Variants in GABBR2 observed in about 807,000 individuals in gnomAD.
GABBR2 encodes the protein G-protein coupled receptor 51.
A neutral mutation model predicts 105.6 loss-of-function variants in GABBR2; 23 were observed. The observed-to-expected ratio is 0.22, with a 90% CI of 0.16 to 0.31. The LOEUF (loss-of-function observed/expected upper bound fraction) is 0.31, where lower values mean the gene tolerates loss of function less well. Among genes scored for constraint, GABBR2 ranks in the 10% least tolerant of loss-of-function variants. GABBR2 has a pLI of 1.00. For synonymous variants in GABBR2, 478 were observed against 499.7 expected, an observed-to-expected ratio of 0.96 and a Z score of 0.58; for missense variants, 734 against 1,245.5, an observed-to-expected ratio of 0.59 and a Z score of 6.18.
At chr9:98,601,634 A>T (rs2131805238) in intron 1 of GABBR2, among the ~76,000 whole-genome samples, 1 of 152,366 alleles carries the variant, frequency 6.6e-6, no homozygotes, top group Non-Finnish European at 1.5e-5. Context: ...AGGGAAGGGA[A>T]GGCACCATCT....
chr9:98,597,938 A>G (rs1209181447), intron 1 of GABBR2, among the ~76,000 whole-genome samples: 1 of 152,028 alleles, frequency 6.6e-6, no homozygotes, highest in Non-Finnish European at 1.5e-5. Context: ...CTACTGCCTC[A>G]GCCTTCCAAG....
chr9:98,568,379 G>A (rs1435997021), intron 2 of GABBR2, among the ~76,000 whole-genome samples: 2 of 152,196 alleles, frequency 1.3e-5, no homozygotes, highest in African/African-American at 4.8e-5. Flanking sequence ...TGGACACATG[G>A]CGTAACATGC....
intron 1 of GABBR2, among the ~76,000 whole-genome samples, chr9:98,600,194 TGCAGGAAATATACA>T (rs1829305326): frequency 6.6e-6 from 1 of 152,166 alleles, no homozygotes; most frequent in African/African-American, 2.4e-5. Context: ...CAGGCACATC[TGCAGGAAATATACA>T]ACCAGAGGCC....
At position 98,536,985 on chromosome 9, in the gene GABBR2, G is replaced by T. The variant is rs987806911; in HGVS notation, c.630+4888C>A. Among the ~76,000 whole-genome samples the T allele has an allele frequency of 5.3e-5, 8 of 152,176 alleles. No individual in the cohort carries two copies. In the East Asian group the frequency reaches 1.5e-3, roughly 29 times the overall value. Reference sequence around the variant, plus strand: ...AGAATGGGGCTACTTTGAGCTCAAGGTCTCCCACCACCAGAGGGCGTCACT... The same window carrying T: ...AGAATGGGGCTACTTTGAGCTCAAGTTCTCCCACCACCAGAGGGCGTCACT... On this transcript the variant is annotated intron_variant, in intron 3 of 18. Coordinates refer to ENST00000259455, the MANE Select transcript of GABBR2 (RefSeq NM_005458.8).
At chr9:98,526,018 T>C (rs1214371022) in intron 3 of GABBR2, among the ~76,000 whole-genome samples, 2 of 152,210 alleles carry the variant, frequency 1.3e-5, no homozygotes, top group African/African-American at 4.8e-5. Context: ...GAGTGGCTGC[T>C]AATGGATGTG....
intron 1 of GABBR2, among the ~76,000 whole-genome samples, chr9:98,654,622 TGAA>T (rs1270100722): frequency 1.3e-5 from 2 of 152,064 alleles, no homozygotes; most frequent in African/African-American, 4.8e-5. Flanking sequence ...CAGACATCCT[TGAA>T]GAAGTGACAT....
At chr9:98,653,622 C>A (rs964827559) in intron 1 of GABBR2, among the ~76,000 whole-genome samples, 14 of 152,142 alleles carry the variant, frequency 9.2e-5, no homozygotes, top group Non-Finnish European at 2.1e-4. Flanking sequence ...GATATCAATT[C>A]AAAATCCAGC....
chr9:98,599,081 T>C (rs1829281896), intron 1 of GABBR2, among the ~76,000 whole-genome samples: 1 of 152,132 alleles, frequency 6.6e-6, no homozygotes. Context: ...CCCCAGCTGC[T>C]GTATCTGTGG....
intron 1 of GABBR2, among the ~76,000 whole-genome samples, chr9:98,634,419 C>G (rs1029949519): frequency 1.3e-5 from 2 of 152,150 alleles, no homozygotes; most frequent in African/African-American, 2.4e-5. Context: ...ATGAAATAAT[C>G]CTGGATTGAG....
chr9:98,509,740 A>G (rs947344603), intron 3 of GABBR2, among the ~76,000 whole-genome samples: 17 of 152,214 alleles, frequency 1.1e-4, no homozygotes, highest in Non-Finnish European at 2.5e-4. Context: ...AAAAGAAATG[A>G]ACAAAGTCTC....
chr9:98,648,106 T>TAGATA (rs1161825943), intron 1 of GABBR2, among the ~76,000 whole-genome samples: 4 of 103,610 alleles, frequency 3.9e-5, no homozygotes, highest in Non-Finnish European at 5.9e-5. Context: ...TGTGTGTGTG[T>TAGATA]GTGTGTGTGT....
At chr9:98,572,022 T>C (rs1319664398) in intron 2 of GABBR2, among the ~76,000 whole-genome samples, 1 of 152,212 alleles carries the variant, frequency 6.6e-6, no homozygotes, top group Non-Finnish European at 1.5e-5. Context: ...CCTTGACCCT[T>C]CCCTGATGCT....
intron 6 of GABBR2, among the ~76,000 whole-genome samples, chr9:98,470,960 T>C (rs1826660982): frequency 6.6e-6 from 1 of 152,220 alleles, no homozygotes; most frequent in African/African-American, 2.4e-5. Flanking sequence ...AGTGACTCTG[T>C]GGTCACTGAA....
At chr9:98,374,905 G>A (rs1831846605) in intron 11 of GABBR2, among the ~76,000 whole-genome samples, 1 of 152,168 alleles carries the variant, frequency 6.6e-6, no homozygotes, top group Non-Finnish European at 1.5e-5. Flanking sequence ...CTTGGGGGTT[G>A]TCTTGGAGAC....
At chr9:98,518,802 G>C (rs912271237) in intron 3 of GABBR2, among the ~76,000 whole-genome samples, 3 of 152,136 alleles carry the variant, frequency 2.0e-5, no homozygotes, top group Non-Finnish European at 4.4e-5. Context: ...GACAGTCTGC[G>C]CTTCCCCTCC....
chr9:98,594,153 G>A (rs1385389190), intron 1 of GABBR2, among the ~76,000 whole-genome samples: 1 of 152,174 alleles, frequency 6.6e-6, no homozygotes, highest in Non-Finnish European at 1.5e-5. Context: ...TGGGGTCCAG[G>A]CTGCACAAGC....
intron 13 of GABBR2, among the ~76,000 whole-genome samples, chr9:98,336,531 C>G (rs750342054): frequency 7.2e-5 from 11 of 152,070 alleles, no homozygotes; most frequent in Non-Finnish European, 1.5e-4. Flanking sequence ...TGGTGAAACC[C>G]CGTCTCTACT....
chr9:98,486,492 C>G (rs868578339), intron 4 of GABBR2, among the ~76,000 whole-genome samples: 1 of 152,166 alleles, frequency 6.6e-6, no homozygotes, highest in Non-Finnish European at 1.5e-5. Flanking sequence ...AGCATGGACT[C>G]TTGCAAGGAA....
At chr9:98,464,446 G>A (rs1002459932) in intron 6 of GABBR2, among the ~76,000 whole-genome samples, 14 of 149,640 alleles carry the variant, frequency 9.4e-5, no homozygotes, top group African/African-American at 3.5e-4. Context: ...TGCCCCAAAT[G>A]GGAACTGAGG....
Sources: gnomAD v4.1 joint callset for allele counts (sites outside exome capture counted in the v4.1 genomes callset) on GRCh38, gnomAD v4.1.1 for gene constraint, MANE v1.5 for transcripts, NCBI Gene and HGNC (gene_info 2026-07-23, HGNC 2026-07-21) for gene names.